Variants in NELL2 observed in about 807,000 individuals in gnomAD.
NELL2 encodes neural EGFL like 2, also known as protein kinase C-binding protein NELL2.
In NELL2, 41 loss-of-function variants were observed where a neutral mutation model predicts 109.6. That is an observed-to-expected ratio of 0.37 (90% CI 0.29 to 0.49). The LOEUF (loss-of-function observed/expected upper bound fraction) is 0.49, where lower values mean the gene tolerates loss of function less well. NELL2 is among the 20% of genes least tolerant of loss of function. The pLI is 0.98. For missense variants in NELL2, 900 were observed against 1,008.3 expected (o/e 0.89, Z 1.45); for synonymous variants, 355 against 344.7 (o/e 1.03, Z -0.33).
intron 12 of NELL2, among the ~76,000 whole-genome samples, chr12:44,701,563 G>C (rs1335690585): frequency 6.6e-6 from 1 of 152,056 alleles, no homozygotes; most frequent in African/African-American, 2.4e-5. Flanking sequence ...CTTCTTTCCT[G>C]TCTCAATGCC....
At chr12:44,574,521 T>C (rs1245348567) in intron 15 of NELL2, among the ~76,000 whole-genome samples, 1 of 152,164 alleles carries the variant, frequency 6.6e-6, no homozygotes, top group Non-Finnish European at 1.5e-5. Flanking sequence ...TAAAGGAATG[T>C]TTAAAAATAA....
chr12:44,782,503 T>G (rs571544843), intron 3 of NELL2, among the ~76,000 whole-genome samples: 24 of 151,984 alleles, frequency 1.6e-4, no homozygotes, highest in African/African-American at 5.5e-4. Flanking sequence ...GGTAAGAAAC[T>G]CACTTCAAAT....
At chr12:44,509,057 T>C (rs558534370) in intron 19 of NELL2, 73 bp from the exon 20 acceptor site, 21 of 1,268,990 alleles carry the variant, frequency 1.7e-5, no homozygotes, top group Non-Finnish European at 2.4e-5. Flanking sequence ...CATTTATTGA[T>C]TGGTACTTAC....
rs568633154 is a variant in NELL2 at position 44,855,580 on chromosome 12, A to C, written c.184+19645T>G. On this transcript the variant is annotated intron_variant, in intron 2 of 19. Transcript: ENST00000429094. ...TCCCTGGTTGCTGTACCCTGGATGCACTCCAGTTTGTCTGGCTTATTTGCA... is the reference window on the plus strand; with the variant it reads ...TCCCTGGTTGCTGTACCCTGGATGCCCTCCAGTTTGTCTGGCTTATTTGCA... Among the ~76,000 whole-genome samples the C allele has an allele frequency of 2.0e-5, 3 of 152,194 alleles. No individual in the cohort carries two copies. The South Asian group carries it at 6.2e-4, about 32-fold the overall frequency.
chr12:44,650,753 G>GTCTT (rs34696718), intron 13 of NELL2, among the ~76,000 whole-genome samples: 2,297 of 150,552 alleles, frequency 0.015, 27 homozygotes, highest in Middle Eastern at 0.031. Flanking sequence ...AGAGGTCTCT[G>GTCTT]TCTTTCTTTC....
intron 15 of NELL2, among the ~76,000 whole-genome samples, chr12:44,592,207 C>T (rs1344586713): frequency 6.6e-6 from 1 of 152,096 alleles, no homozygotes; most frequent in East Asian, 1.9e-4. Flanking sequence ...TTATACCTGC[C>T]TCATAAAGTT....
intron 13 of NELL2, among the ~76,000 whole-genome samples, chr12:44,642,872 A>G (rs1039770513): frequency 6.6e-6 from 1 of 152,116 alleles, no homozygotes; most frequent in African/African-American, 2.4e-5. Flanking sequence ...ACAGAGCAAG[A>G]TCCCTCTCAA....
At chr12:44,741,998 T>G (rs1334231358) in intron 9 of NELL2, among the ~76,000 whole-genome samples, 1 of 152,334 alleles carries the variant, frequency 6.6e-6, no homozygotes, top group South Asian at 2.1e-4. Flanking sequence ...ATCTTAGAAC[T>G]GGCAGACTGC....
At chr12:44,727,869 C>G (rs980577462) in intron 9 of NELL2, among the ~76,000 whole-genome samples, 1 of 152,004 alleles carries the variant, frequency 6.6e-6, no homozygotes, top group African/African-American at 2.4e-5. Flanking sequence ...AATTTGGTTA[C>G]ATTACCCCCA....
At chr12:44,658,012 G>C (rs1405358579) in intron 13 of NELL2, among the ~76,000 whole-genome samples, 1 of 152,158 alleles carries the variant, frequency 6.6e-6, no homozygotes, top group African/African-American at 2.4e-5. Context: ...GGATTGCTGT[G>C]CCAAATGGTA....
At chr12:44,686,730 G>A (rs1204496865) in intron 12 of NELL2, among the ~76,000 whole-genome samples, 1 of 152,132 alleles carries the variant, frequency 6.6e-6, no homozygotes, top group East Asian at 1.9e-4. Context: ...TCTGCTCGGG[G>A]GTCAGGGGTC....
intron 2 of NELL2, among the ~76,000 whole-genome samples, chr12:44,829,666 G>C (rs947214334): frequency 2.8e-4 from 43 of 152,080 alleles, no homozygotes; most frequent in African/African-American, 9.7e-4. Context: ...TTCGTATACT[G>C]ACACCAGTCA....
chr12:44,838,809 T>C, intron 2 of NELL2, among the ~76,000 whole-genome samples: 1 of 152,218 alleles, frequency 6.6e-6, no homozygotes, highest in South Asian at 2.1e-4. Context: ...AGAAAAGTCA[T>C]GGGAAGTGTA....
chr12:44,586,567 C>T lies in NELL2; in HGVS notation c.1663+20602G>A, dbSNP rs187791365. ...TGCTAAGGTATCTAAAATAATTATA[C>T]GGAATTTACCAAACAACAACTACAA... On this transcript the variant is annotated intron_variant, in intron 15 of 19. Coordinates refer to ENST00000429094, the MANE Select transcript of NELL2 (RefSeq NM_001145108.2). 5.7e-4 allele frequency among the ~76,000 whole-genome samples: 86 copies of T among 152,056 alleles called. 1 individual carries two copies. Among genetic ancestry groups the T allele is most frequent in the African/African-American group, 1.8e-3 (75 of 41,468 alleles).
Position 44,876,258 on chromosome 12 carries a change from G to A in NELL2, c.-389C>T. On this transcript the variant is annotated 5_prime_UTR_variant, in exon 1 of 20. Transcript: ENST00000429094. ...GCCCCAAGAAAGCCCGGGCTGGGGC[G>A]GCCCCGCACCCCCCCGTCTTCCCCG... is the stretch of plus-strand genomic sequence containing the variant. 2 of 1,160,582 alleles carry A rather than the reference G, an allele frequency of 1.7e-6. No homozygotes were observed. Among genetic ancestry groups the A allele is most frequent in the Non-Finnish European group, 2.1e-6 (2 of 940,100 alleles). 71.9% of individuals were successfully genotyped at this position (1,160,582 alleles called of 1,614,324 possible). A position where few individuals can be genotyped will look rare whatever the true frequency, so the allele number is the denominator to read the frequency against.
At position 44,876,100 on chromosome 12, in the gene NELL2, C is replaced by T. The variant is rs755115938; in HGVS notation, c.-231G>A. 5 of 1,335,030 alleles carry T rather than the reference C, an allele frequency of 3.7e-6. No homozygotes were observed. The highest frequency in any genetic ancestry group is 4.8e-6 in the Non-Finnish European group (5 of 1,043,424). The allele number at this position is 1,335,030 out of a possible 1,614,324, so 82.7% of individuals were successfully genotyped here. On this transcript the variant is annotated 5_prime_UTR_variant, in exon 1 of 20. Coordinates refer to ENST00000429094, the MANE Select transcript of NELL2 (RefSeq NM_001145108.2). ...CGCACATCATTCCCACACGCAGGGC[C>T]GAGGCGGCAGCGCGGCCCGGAGGGG... is the stretch of plus-strand genomic sequence containing the variant.
chr12:44,592,609 G>A (rs1048305931), intron 15 of NELL2, among the ~76,000 whole-genome samples: 14 of 152,190 alleles, frequency 9.2e-5, no homozygotes, highest in African/African-American at 2.7e-4. Flanking sequence ...ATGGAGGGCT[G>A]TAAGGTGAGA....
chr12:44,557,672 A>C (rs1943308188), intron 15 of NELL2, among the ~76,000 whole-genome samples: 1 of 152,192 alleles, frequency 6.6e-6, no homozygotes, highest in East Asian at 1.9e-4. Flanking sequence ...TTGGCTATTG[A>C]AAACACAGGT....
intron 13 of NELL2, among the ~76,000 whole-genome samples, chr12:44,647,079 A>G (rs1350467813): frequency 6.6e-6 from 1 of 152,240 alleles, no homozygotes; most frequent in Admixed American, 6.5e-5. Flanking sequence ...GTGCAATAGC[A>G]CATATGCATT....
Sources: gnomAD v4.1 joint callset for allele counts (sites outside exome capture counted in the v4.1 genomes callset) on GRCh38, gnomAD v4.1.1 for gene constraint, MANE v1.5 for transcripts, NCBI Gene and HGNC (gene_info 2026-07-23, HGNC 2026-07-21) for gene names.